XKR6: variants seen among roughly 807,000 people sequenced by gnomAD.
XKR6 encodes XK related 6, also known as XK-related protein 6.
XKR6 carries 22 observed loss-of-function variants against 56.7 expected under a neutral mutation model. That is an observed-to-expected ratio of 0.39 (90% confidence interval 0.28 to 0.55). XKR6 has a LOEUF of 0.55. Among genes scored for constraint, XKR6 ranks in the 20% least tolerant of loss-of-function variants. The probability of loss-of-function intolerance (pLI) is 0.66; values close to 1 mark genes in which losing one functional copy is unlikely to be tolerated. For missense variants in XKR6, 852 were observed against 889.0 expected, an observed-to-expected ratio of 0.96 and a Z score of 0.53; for synonymous variants, 524 against 387.8, an observed-to-expected ratio of 1.35 and a Z score of -4.13.
intron 1 of XKR6, among the ~76,000 whole-genome samples, chr8:11,115,242 T>C (rs1277796473): frequency 6.6e-6 from 1 of 152,192 alleles, no homozygotes; most frequent in Non-Finnish European, 1.5e-5. Flanking sequence ...GTTTTCAAAA[T>C]CCTATTTTAA....
intron 1 of XKR6, among the ~76,000 whole-genome samples, chr8:10,946,955 C>T (rs545818530): frequency 6.6e-6 from 1 of 152,058 alleles, no homozygotes; most frequent in East Asian, 1.9e-4. Flanking sequence ...GTCAAAATCC[C>T]CCAGGTTTGC....
At chr8:11,028,270 T>C (rs1586449620) in intron 1 of XKR6, among the ~76,000 whole-genome samples, 1 of 152,210 alleles carries the variant, frequency 6.6e-6, no homozygotes, top group South Asian at 2.1e-4. Context: ...TCCATGTTTT[T>C]TCATAGCTTG....
At chr8:11,084,542 G>T (rs1229022079) in intron 1 of XKR6, among the ~76,000 whole-genome samples, 2 of 152,112 alleles carry the variant, frequency 1.3e-5, no homozygotes, top group Admixed American at 6.6e-5. Flanking sequence ...TATTTACATA[G>T]CACCTACCGC....
rs1802116227 is a variant in XKR6, at chr8:10,963,170, T to C, written c.765-38340A>G. On this transcript the variant is annotated intron_variant, in intron 1 of 2. Transcript: ENST00000416569. ...GCCACAGTCTTGACACAGGCCCCAC[T>C]TCCCCGCTGGCCTTCTCCACCACAA... 3.9e-5 allele frequency among the ~76,000 whole-genome samples: 6 copies of C among 152,150 alleles called. No homozygotes were observed. The South Asian group carries it at 1.2e-3, about 32-fold the overall frequency.
chr8:11,158,040 C>G (rs937210969), intron 1 of XKR6, among the ~76,000 whole-genome samples: 10 of 152,178 alleles, frequency 6.6e-5, no homozygotes, highest in African/African-American at 2.4e-4. Flanking sequence ...TGATTGGTAT[C>G]TATTTCTTGA....
chr8:10,995,020 T>C lies in XKR6; in HGVS notation c.765-70190A>G, dbSNP rs1044891866. 4.6e-5 allele frequency among the ~76,000 whole-genome samples: 7 copies of C among 152,198 alleles called. No homozygotes were observed. The South Asian group carries it at 8.3e-4, about 18-fold the overall frequency. The stretch of plus-strand genomic sequence containing the variant: ...GCCCTGTGTCACATTCACCCGTCTA[T>C]GGTGGGGCCTCCTTGTACGAACAGC... On this transcript the variant is annotated intron_variant, in intron 1 of 2. Coordinates refer to ENST00000416569, the MANE Select transcript of XKR6 (RefSeq NM_173683.4).
chr8:11,104,230 G>A (rs988561422), intron 1 of XKR6, among the ~76,000 whole-genome samples: 58 of 152,308 alleles, frequency 3.8e-4, no homozygotes, highest in African/African-American at 1.1e-3. Context: ...GAAATAAAAG[G>A]ACACACTTTG....
At chr8:11,050,588 G>C (rs1486061757) in intron 1 of XKR6, among the ~76,000 whole-genome samples, 1 of 142,720 alleles carries the variant, frequency 7.0e-6, no homozygotes, top group African/African-American at 2.9e-5. Context: ...AAAAAAAAAA[G>C]AGAGAGAGAA....
At chr8:10,988,695 A>C (rs1019519469) in intron 1 of XKR6, among the ~76,000 whole-genome samples, 4 of 152,224 alleles carry the variant, frequency 2.6e-5, no homozygotes, top group Non-Finnish European at 4.4e-5. Flanking sequence ...TGAAGGTATC[A>C]CAGTCACAGA....
At chr8:11,162,193 A>T (rs961648969) in intron 1 of XKR6, among the ~76,000 whole-genome samples, 1 of 152,240 alleles carries the variant, frequency 6.6e-6, no homozygotes, top group Non-Finnish European at 1.5e-5. Flanking sequence ...ACTATAATCC[A>T]AGAGTTAAAG....
At chr8:10,902,244 G>T (rs1261948045) in intron 2 of XKR6, among the ~76,000 whole-genome samples, 1 of 152,224 alleles carries the variant, frequency 6.6e-6, no homozygotes, top group African/African-American at 2.4e-5. Flanking sequence ...CATCTGACTG[G>T]GGAGTCTGCT....
intron 1 of XKR6, among the ~76,000 whole-genome samples, chr8:10,984,732 C>CTCTATATATATATATATATATATATA: frequency 3.4e-4 from 16 of 47,484 alleles, no homozygotes; most frequent in Non-Finnish European, 5.0e-4. Context: ...CTCTCTCTCT[C>CTCTATATATATATATATATATATATA]TATATATATA....
At chr8:11,172,327 G>C (rs995955579) in intron 1 of XKR6, among the ~76,000 whole-genome samples, 1 of 152,144 alleles carries the variant, frequency 6.6e-6, no homozygotes, top group African/African-American at 2.4e-5. Context: ...CCATGATCAA[G>C]CCACAGCACT....
intron 1 of XKR6, among the ~76,000 whole-genome samples, chr8:11,155,831 T>C (rs1051854128): frequency 1.3e-5 from 2 of 152,226 alleles, no homozygotes; most frequent in African/African-American, 4.8e-5. Flanking sequence ...CTGTCATCAA[T>C]GGCTCTCTTG....
At chr8:11,057,082 T>G (rs888857199) in intron 1 of XKR6, among the ~76,000 whole-genome samples, 4 of 152,186 alleles carry the variant, frequency 2.6e-5, no homozygotes, top group African/African-American at 9.7e-5. Context: ...ACATCCTTAC[T>G]CAAAAGCCGT....
chr8:11,201,148 C>T lies in XKR6; in HGVS notation c.192G>A (p.Ser64=). ...MHICHCCNTS[S]CYWGCRSACL... Reference sequence around the variant, plus strand: ...AGGCGGAGCGGCAGCCCCAGTAGCACGAGGAGGTGTTGCAGCAGTGGCAGA... The same window carrying T: ...AGGCGGAGCGGCAGCCCCAGTAGCATGAGGAGGTGTTGCAGCAGTGGCAGA... Residue 64 remains serine, a synonymous_variant, in exon 1 of 3, where the codon TCG becomes TCA. Coordinates refer to ENST00000416569, the MANE Select transcript of XKR6 (RefSeq NM_173683.4). 5.9e-6 allele frequency: 9 copies of T among 1,521,500 alleles called. No homozygotes were observed. Among genetic ancestry groups the T allele is most frequent in the African/African-American group, 1.4e-5 (1 of 70,806 alleles). 94.2% of individuals were successfully genotyped at this position (1,521,500 alleles called of 1,614,324 possible).
chr8:11,190,114 G>A (rs934681375), intron 1 of XKR6, among the ~76,000 whole-genome samples: 29 of 150,112 alleles, frequency 1.9e-4, no homozygotes, highest in African/African-American at 5.9e-4. Flanking sequence ...CCGAGATCGC[G>A]CCACCGCACT....
intron 1 of XKR6, chr8:11,137,656 G>A (rs1439139259): frequency 4.4e-6 from 2 of 456,136 alleles, no homozygotes; most frequent in South Asian, 3.1e-5. Context: ...GCCATGGTGT[G>A]AGCAATGCAA....
At chr8:11,154,022 G>C (rs1801386405) in intron 1 of XKR6, among the ~76,000 whole-genome samples, 1 of 152,218 alleles carries the variant, frequency 6.6e-6, no homozygotes, top group Non-Finnish European at 1.5e-5. Flanking sequence ...TAAAAGCCTA[G>C]GTGGGTAGGA....
Sources: allele counts gnomAD v4.1 joint callset (sites outside exome capture counted in the v4.1 genomes callset), GRCh38; gene constraint gnomAD v4.1.1; transcripts MANE v1.5; gene names NCBI Gene and HGNC (gene_info 2026-07-23, HGNC 2026-07-21).